ABCA13: variants seen among roughly 807,000 people sequenced by gnomAD.
ABCA13 encodes ATP binding cassette subfamily A member 13.
In ABCA13, 476 loss-of-function variants were observed where a neutral mutation model predicts 478.7. The observed-to-expected ratio is 0.99, with a 90% CI of 0.92 to 1.07. The LOEUF is 1.07. Among genes scored for constraint, ABCA13 ranks in the 50% least tolerant of loss-of-function variants. ABCA13 has a pLI of 0.00. For synonymous variants in ABCA13, 2,252 were observed against 2,158.9 expected (o/e 1.04, Z -1.20); for missense variants, 6,060 against 5,910.6 (o/e 1.03, Z -0.83).
At chr7:48,494,931 AG>A (rs1302047890) in intron 48 of ABCA13, among the ~76,000 whole-genome samples, 1 of 152,198 alleles carries the variant, frequency 6.6e-6, no homozygotes, top group African/African-American at 2.4e-5. Context: ...CACAGGGAAA[AG>A]GTGACACAGT....
chr7:48,238,976 G>C (rs1347590128), intron 8 of ABCA13, among the ~76,000 whole-genome samples: 3 of 152,150 alleles, frequency 2.0e-5, no homozygotes, highest in Admixed American at 2.0e-4. Flanking sequence ...AGAATGAAAA[G>C]AAACAAGATT....
intron 20 of ABCA13, among the ~76,000 whole-genome samples, chr7:48,288,376 CTT>C (rs893806632): frequency 1.3e-5 from 2 of 152,164 alleles, no homozygotes; most frequent in Non-Finnish European, 2.9e-5. Flanking sequence ...ATTATATAAA[CTT>C]ATGATGAAAT....
Position 48,645,482 on chromosome 7 carries a change from C to T in ABCA13, c.15147C>T (p.Asp5049=). 1 of 1,589,752 alleles carries T rather than the reference C, an allele frequency of 6.3e-7. No individual in the cohort carries two copies. Among genetic ancestry groups the T allele is most frequent in the Non-Finnish European group, 8.6e-7 (1 of 1,166,888 alleles). ...TLQSTLDPST[D]SHHTHHLPI The stretch of plus-strand genomic sequence containing the variant: ...AATCTACTCTTGATCCATCCACTGA[C>T]AGTCACCACACACATCACTTGCCCA... The change falls in exon 62 of 62, where the codon GAC becomes GAT. Residue 5049 remains aspartate (D), a synonymous_variant. Transcript: ENST00000435803.
At chr7:48,501,454 A>G (rs974652932) in intron 48 of ABCA13, among the ~76,000 whole-genome samples, 1 of 152,146 alleles carries the variant, frequency 6.6e-6, no homozygotes, top group Non-Finnish European at 1.5e-5. Context: ...GTGTTCTTTA[A>G]TAGAGTCTTT....
intron 27 of ABCA13, among the ~76,000 whole-genome samples, chr7:48,332,342 T>C (rs1276326880): frequency 6.6e-6 from 1 of 152,242 alleles, no homozygotes; most frequent in African/African-American, 2.4e-5. Context: ...ACAAAGAACG[T>C]CTGGCTCTAG....
At chr7:48,282,656 C>T (rs1797205439) in intron 19 of ABCA13, among the ~76,000 whole-genome samples, 2 of 152,200 alleles carry the variant, frequency 1.3e-5, no homozygotes, top group Non-Finnish European at 2.9e-5. Flanking sequence ...CCTTGATTTA[C>T]TCCTGGATCA....
At chr7:48,461,093 G>T (rs568820427) in intron 43 of ABCA13, among the ~76,000 whole-genome samples, 5 of 152,190 alleles carry the variant, frequency 3.3e-5, no homozygotes, top group Non-Finnish European at 7.3e-5. Flanking sequence ...CAATTGTTTG[G>T]AAGAAATATA....
rs139130415 is a variant in ABCA13, at chr7:48,565,586, G to A, written c.14355-14638G>A. On this transcript the variant is annotated intron_variant, in intron 55 of 61. Coordinates refer to ENST00000435803, the MANE Select transcript of ABCA13 (RefSeq NM_152701.5). Reference sequence around the variant, plus strand: ...TCTACCTTTCAAAGAAGATAAGGCCGGGCGTGGTTGCTCATGTGTGTAATC... The same window carrying A: ...TCTACCTTTCAAAGAAGATAAGGCCAGGCGTGGTTGCTCATGTGTGTAATC... 1.5e-3 allele frequency among the ~76,000 whole-genome samples: 231 copies of A among 152,064 alleles called. 3 individuals carry two copies. In the Middle Eastern group the frequency reaches 0.024, roughly 16 times the overall value.
At chr7:48,551,008 AT>A (rs1785269551) in intron 55 of ABCA13, among the ~76,000 whole-genome samples, 1 of 151,790 alleles carries the variant, frequency 6.6e-6, no homozygotes, top group East Asian at 1.9e-4. Flanking sequence ...TATGAAAAAA[AT>A]GGCATCCTAC....
chr7:48,405,119 C>T (rs781465083), intron 39 of ABCA13, among the ~76,000 whole-genome samples: 84 of 152,238 alleles, frequency 5.5e-4, no homozygotes, highest in Non-Finnish European at 9.7e-4. Flanking sequence ...TGAACTTTGA[C>T]ATTGAAAGAC....
intron 38 of ABCA13, among the ~76,000 whole-genome samples, chr7:48,398,052 A>G (rs1168055522): frequency 1.3e-5 from 2 of 152,192 alleles, no homozygotes; most frequent in East Asian, 3.8e-4. Context: ...TTGGATATAC[A>G]TGGAAAATAT....
intron 16 of ABCA13, among the ~76,000 whole-genome samples, chr7:48,269,485 A>G (rs1207450577): frequency 2.0e-5 from 3 of 152,210 alleles, no homozygotes; most frequent in African/African-American, 7.2e-5. Context: ...GGGAGAGAGA[A>G]GTGGTCTTTG....
chr7:48,253,875 A>G (rs1584458113), intron 15 of ABCA13, among the ~76,000 whole-genome samples: 1 of 151,996 alleles, frequency 6.6e-6, no homozygotes, highest in East Asian at 1.9e-4. Context: ...TATTTCTTTA[A>G]ATATTTCTTT....
At chr7:48,616,136 G>GT (rs1563511196) in intron 59 of ABCA13, among the ~76,000 whole-genome samples, 3 of 152,044 alleles carry the variant, frequency 2.0e-5, no homozygotes, top group Non-Finnish European at 4.4e-5. Flanking sequence ...TTTATTCAGT[G>GT]TTTTTAAGGT....
Position 48,520,242 on chromosome 7 carries a change from G to A in ABCA13, c.13999G>A (p.Val4667Ile), listed in dbSNP as rs777245162. The part of the protein sequence containing the change: ...IFVQLASQGT[V>I]LLLLRVLLHW... Reference sequence around the variant, plus strand: ...CGTGCAACTGGCCTCGCAGGGCACAGTACTTCTCCTCTTGAGGGTTCTGCT... The same window carrying A: ...CGTGCAACTGGCCTCGCAGGGCACAATACTTCTCCTCTTGAGGGTTCTGCT... Residue 4667 changes from valine (V) to isoleucine (I), a missense_variant, in exon 53 of 62, where the codon GTA becomes ATA. Around this residue, in one of 3 missense-constraint regions of ABCA13, gnomAD observed 1,627 missense variants for 1,571.0 expected, o/e 1.04. Transcript: ENST00000435803. 17 of 1,613,450 alleles carry A rather than the reference G, an allele frequency of 1.1e-5. No homozygotes were observed. The East Asian group carries it at 3.6e-4, about 34-fold the overall frequency.
At chr7:48,397,765 C>T (rs1438312475) in intron 38 of ABCA13, among the ~76,000 whole-genome samples, 3 of 152,202 alleles carry the variant, frequency 2.0e-5, no homozygotes, top group Admixed American at 2.0e-4. Flanking sequence ...GCCAAATCTC[C>T]TTCTGGATGG....
At chr7:48,348,014 C>T (rs1035081574) in intron 29 of ABCA13, among the ~76,000 whole-genome samples, 3 of 152,202 alleles carry the variant, frequency 2.0e-5, no homozygotes, top group Admixed American at 6.5e-5. Context: ...GCACCCAACT[C>T]CATCTGACCC....
intron 44 of ABCA13, 51 bp downstream of exon 44, chr7:48,467,096 T>C: frequency 6.6e-7 from 1 of 1,524,910 alleles, no homozygotes; most frequent in Admixed American, 1.7e-5. Flanking sequence ...CTGGTAATAT[T>C]GTAGCCTGGG....
chr7:48,250,435 C>T (rs1792371679), intron 15 of ABCA13, among the ~76,000 whole-genome samples: 1 of 152,172 alleles, frequency 6.6e-6, no homozygotes, highest in South Asian at 2.1e-4. Context: ...CTTCTAATTA[C>T]AGGGTTGGTT....
Sources: allele counts gnomAD v4.1 joint callset (sites outside exome capture counted in the v4.1 genomes callset), GRCh38; gene constraint gnomAD v4.1.1; regional missense constraint gnomAD v4.1.1; transcripts MANE v1.5; gene names NCBI Gene and HGNC (gene_info 2026-07-23, HGNC 2026-07-21).